CAMK4: variants seen among roughly 807,000 people sequenced by gnomAD.
CAMK4 encodes the protein calcium/calmodulin-dependent protein kinase type IV.
A neutral mutation model predicts 44.9 loss-of-function variants in CAMK4; 22 were observed. That is an observed-to-expected ratio of 0.49 (90% CI 0.35 to 0.70). The LOEUF (loss-of-function observed/expected upper bound fraction) is 0.70, where lower values mean the gene tolerates loss of function less well. Among genes scored for constraint, CAMK4 ranks in the 30% least tolerant of loss-of-function variants. The pLI is 0.01. For missense variants in CAMK4, 498 were observed against 586.8 expected (o/e 0.85, Z 1.56); for synonymous variants, 218 against 215.4 (o/e 1.01, Z -0.11).
chr5:111,308,184 G>T (rs1052415011), intron 1 of CAMK4, among the ~76,000 whole-genome samples: 2 of 140,494 alleles, frequency 1.4e-5, no homozygotes, highest in African/African-American at 5.7e-5. Flanking sequence ...GCACCAGCAT[G>T]GCACATGTAT....
chr5:111,382,929 A>G (rs1489838473), intron 4 of CAMK4, among the ~76,000 whole-genome samples: 2 of 152,214 alleles, frequency 1.3e-5, no homozygotes, highest in East Asian at 1.9e-4. Context: ...TCAACCATGG[A>G]TATTTTAAAT....
chr5:111,448,049 A>G (rs1754089043), intron 6 of CAMK4, among the ~76,000 whole-genome samples: 1 of 152,216 alleles, frequency 6.6e-6, no homozygotes, highest in Non-Finnish European at 1.5e-5. Flanking sequence ...CTGCCAGGAA[A>G]TGTGGGTTTA....
At chr5:111,372,793 C>T (rs1320565021) in intron 2 of CAMK4, among the ~76,000 whole-genome samples, 1 of 152,152 alleles carries the variant, frequency 6.6e-6, no homozygotes, top group Non-Finnish European at 1.5e-5. Context: ...TGGGTTAGCA[C>T]TGGATGTATC....
intron 1 of CAMK4, among the ~76,000 whole-genome samples, chr5:111,257,500 A>G (rs976190592): frequency 1.1e-4 from 17 of 152,292 alleles, no homozygotes; most frequent in Admixed American, 1.1e-3. Flanking sequence ...GAAACAACAG[A>G]TGCTGGTGAG....
chr5:111,229,727 G>T (rs1007785868), intron 1 of CAMK4, among the ~76,000 whole-genome samples: 3 of 152,166 alleles, frequency 2.0e-5, no homozygotes, highest in Admixed American at 2.0e-4. Context: ...TTGGGGGATG[G>T]TAGGTTTTTT....
chr5:111,271,079 A>G (rs1750492870), intron 1 of CAMK4, among the ~76,000 whole-genome samples: 1 of 152,150 alleles, frequency 6.6e-6, no homozygotes, highest in Admixed American at 6.5e-5. Context: ...AGCATGGGGG[A>G]AACCACCTCC....
At chr5:111,372,147 C>T (rs146119765) in intron 2 of CAMK4, among the ~76,000 whole-genome samples, 4 of 152,180 alleles carry the variant, frequency 2.6e-5, no homozygotes, top group Non-Finnish European at 4.4e-5. Context: ...AGTTACTGAT[C>T]GATTAGTCTG....
chr5:111,310,661 G>A (rs1347262193), intron 1 of CAMK4, among the ~76,000 whole-genome samples: 2 of 152,102 alleles, frequency 1.3e-5, no homozygotes, highest in Non-Finnish European at 2.9e-5. Flanking sequence ...TTCATGCTTT[G>A]GTAATCCCTG....
chr5:111,436,973 G>A (rs1753668414), intron 5 of CAMK4, among the ~76,000 whole-genome samples: 1 of 152,182 alleles, frequency 6.6e-6, no homozygotes, highest in Admixed American at 6.5e-5. Flanking sequence ...AATGAATTAG[G>A]TAATGGTTTA....
intron 4 of CAMK4, among the ~76,000 whole-genome samples, chr5:111,393,283 G>A (rs546465369): frequency 7.2e-5 from 11 of 152,150 alleles, no homozygotes; most frequent in South Asian, 2.1e-4. Flanking sequence ...CCTATAAAAC[G>A]TATTTGCTAA....
intron 7 of CAMK4, among the ~76,000 whole-genome samples, chr5:111,450,677 A>G (rs1430621545): frequency 1.3e-5 from 2 of 149,388 alleles, no homozygotes; most frequent in African/African-American, 5.0e-5. Context: ...AATCCCAGCG[A>G]CTCAGGAGGC....
At chr5:111,383,127 G>A (rs1751477570) in intron 4 of CAMK4, among the ~76,000 whole-genome samples, 1 of 152,160 alleles carries the variant, frequency 6.6e-6, no homozygotes, top group Non-Finnish European at 1.5e-5. Flanking sequence ...ACATTGATTT[G>A]CTGATGGGAA....
At chr5:111,442,642 T>A (rs1753868783) in intron 5 of CAMK4, among the ~76,000 whole-genome samples, 1 of 149,998 alleles carries the variant, frequency 6.7e-6, no homozygotes. Flanking sequence ...TCTAGCTGTT[T>A]TCTGTTAAGC....
chr5:111,379,285 C>CT (rs1751328924), intron 4 of CAMK4, among the ~76,000 whole-genome samples: 1 of 152,112 alleles, frequency 6.6e-6, no homozygotes, highest in Non-Finnish European at 1.5e-5. Context: ...TCTTCCCAAC[C>CT]TTTCTTCCAT....
chr5:111,419,746 A>T (rs1277698249), intron 5 of CAMK4, among the ~76,000 whole-genome samples: 1 of 152,054 alleles, frequency 6.6e-6, no homozygotes, highest in Non-Finnish European at 1.5e-5. Context: ...CAAAGATCAG[A>T]TGGTTGTAGA....
chr5:111,294,241 G>A (rs759256783), intron 1 of CAMK4, among the ~76,000 whole-genome samples: 6 of 152,120 alleles, frequency 3.9e-5, no homozygotes, highest in Non-Finnish European at 7.3e-5. Flanking sequence ...GTTAAGAACT[G>A]CACAGATGAT....
chr5:111,383,756 C>T lies in CAMK4; in HGVS notation c.386+6814C>T, dbSNP rs529164303. ...CTGGGATTACAAGCATGAGTCACCC[C>T]GCCCAGCCAAGGGGAGATAATTTAA... On this transcript the variant is annotated intron_variant, in intron 4 of 10. Transcript: ENST00000282356. Among the ~76,000 whole-genome samples, 17 of 152,040 alleles carry T rather than the reference C, an allele frequency of 1.1e-4. 1 individual carries two copies. The highest frequency in any genetic ancestry group is 9.7e-4 in the East Asian group (5 of 5,164).
chr5:111,368,792 C>T (rs1750892784), intron 2 of CAMK4, among the ~76,000 whole-genome samples: 1 of 151,980 alleles, frequency 6.6e-6, no homozygotes. Context: ...TCTCCATGTT[C>T]CTTCTTCGGA....
chr5:111,473,308 C>T lies in CAMK4; in HGVS notation c.626-3C>T, dbSNP rs767657103. 6.2e-7 allele frequency: 1 copy of T among 1,603,434 alleles called. No individual in the cohort carries two copies. On this transcript the variant is annotated splice_region_variant and splice_polypyrimidine_tract_variant and intron_variant, in intron 7 of 10. Coordinates refer to ENST00000282356, the MANE Select transcript of CAMK4 (RefSeq NM_001744.6). Reference sequence around the variant, plus strand: ...TTTAACACAATTTTCACTTTTTCTGCAGCACCTGAAATTCTTAGAGGTTGT... The same window carrying T: ...TTTAACACAATTTTCACTTTTTCTGTAGCACCTGAAATTCTTAGAGGTTGT...
Sources: allele counts gnomAD v4.1 joint callset (sites outside exome capture counted in the v4.1 genomes callset), GRCh38; gene constraint gnomAD v4.1.1; transcripts MANE v1.5; gene names NCBI Gene and HGNC (gene_info 2026-07-23, HGNC 2026-07-21).